PALM2AKAP2: variants seen among roughly 807,000 people sequenced by gnomAD.
The protein encoded by PALM2AKAP2 is PALM2-AKAP2 fusion protein.
A neutral mutation model predicts 71.5 loss-of-function variants in PALM2AKAP2; 37 were observed. That is an observed-to-expected ratio of 0.52 (90% CI 0.40 to 0.68). The LOEUF (loss-of-function observed/expected upper bound fraction) is 0.68. PALM2AKAP2 is among the 30% of genes least tolerant of loss of function. PALM2AKAP2 has a pLI of 0.00. For synonymous variants in PALM2AKAP2, 468 were observed against 478.8 expected, an observed-to-expected ratio of 0.98 and a Z score of 0.29; for missense variants, 1,224 against 1,191.8, an observed-to-expected ratio of 1.03 and a Z score of -0.40.
chr9:110,092,943 G>C (rs1834748864), intron 1 of PALM2AKAP2, among the ~76,000 whole-genome samples: 1 of 152,194 alleles, frequency 6.6e-6, no homozygotes, highest in Admixed American at 6.5e-5. Flanking sequence ...GGGATGGGGT[G>C]GGGGTGAGCG....
chr9:109,829,459 A>T (rs372329726), intron 1 of PALM2AKAP2, among the ~76,000 whole-genome samples: 10 of 152,156 alleles, frequency 6.6e-5, no homozygotes, highest in African/African-American at 1.9e-4. Context: ...CCCAGCACAT[A>T]GTAGTTGCTT....
At chr9:109,911,837 C>T (rs1400363203) in intron 3 of PALM2AKAP2, among the ~76,000 whole-genome samples, 1 of 135,414 alleles carries the variant, frequency 7.4e-6, no homozygotes, top group African/African-American at 2.8e-5. Flanking sequence ...CTTAATAAGC[C>T]TGCACTTGGG....
chr9:109,647,777 C>T (rs763035366), intron 1 of PALM2AKAP2, among the ~76,000 whole-genome samples: 3 of 152,174 alleles, frequency 2.0e-5, no homozygotes, highest in Non-Finnish European at 4.4e-5. Context: ...AAATCACTTA[C>T]AAAGACAAAG....
At chr9:110,079,314 G>A (rs570531037) in intron 1 of PALM2AKAP2, among the ~76,000 whole-genome samples, 1 of 152,144 alleles carries the variant, frequency 6.6e-6, no homozygotes, top group South Asian at 2.1e-4. Flanking sequence ...TGGCCAACGT[G>A]GCGAAACCTC....
chr9:109,995,076 C>T (rs1283092755), intron 6 of PALM2AKAP2, among the ~76,000 whole-genome samples: 3 of 152,186 alleles, frequency 2.0e-5, no homozygotes, highest in Non-Finnish European at 2.9e-5. Context: ...AAAATATTCT[C>T]TTTTATAGGC....
chr9:109,675,682 A>G (rs1021778040), intron 1 of PALM2AKAP2, among the ~76,000 whole-genome samples: 1 of 152,174 alleles, frequency 6.6e-6, no homozygotes, highest in African/African-American at 2.4e-5. Flanking sequence ...CATCCCTATC[A>G]TCATTGTTTT....
At chr9:109,938,934 C>T (rs149190713) in intron 6 of PALM2AKAP2, among the ~76,000 whole-genome samples, 1 of 152,170 alleles carries the variant, frequency 6.6e-6, no homozygotes, top group East Asian at 1.9e-4. Context: ...GAGGCTGAGG[C>T]AGGAGAATCG....
intron 1 of PALM2AKAP2, among the ~76,000 whole-genome samples, chr9:109,742,687 A>G (rs1828733205): frequency 6.6e-6 from 1 of 152,204 alleles, no homozygotes; most frequent in Non-Finnish European, 1.5e-5. Flanking sequence ...TATATACCAC[A>G]TAAACCTATG....
intron 1 of PALM2AKAP2, among the ~76,000 whole-genome samples, chr9:109,854,761 A>ATTTTTT (rs1241433258): frequency 1.5e-5 from 1 of 65,764 alleles, no homozygotes; most frequent in African/African-American, 5.4e-5. Flanking sequence ...AAAAGAATGT[A>ATTTTTT]TCTTTTTTTT....
chr9:109,645,049 A>C (rs1440372308), intron 1 of PALM2AKAP2, among the ~76,000 whole-genome samples: 2 of 152,152 alleles, frequency 1.3e-5, no homozygotes, highest in Admixed American at 6.5e-5. Context: ...TTTTTTCAGC[A>C]ACACCCAACT....
chr9:109,699,181 A>T (rs1828016847), intron 1 of PALM2AKAP2, among the ~76,000 whole-genome samples: 2 of 152,224 alleles, frequency 1.3e-5, no homozygotes, highest in South Asian at 4.1e-4. Context: ...ATTAAATCAA[A>T]CACAAGATAC....
intron 1 of PALM2AKAP2, among the ~76,000 whole-genome samples, chr9:109,785,699 G>A (rs1826943689): frequency 6.6e-6 from 1 of 152,136 alleles, no homozygotes; most frequent in South Asian, 2.1e-4. Flanking sequence ...AGAACAGCAT[G>A]GGAAAGACAT....
chr9:109,955,140 T>G (rs1031103467), intron 6 of PALM2AKAP2, among the ~76,000 whole-genome samples: 1 of 152,178 alleles, frequency 6.6e-6, no homozygotes, highest in Non-Finnish European at 1.5e-5. Context: ...TATGGCTGGG[T>G]CAAATAAGTC....
chr9:109,645,345 C>T (rs1827134968), intron 1 of PALM2AKAP2, among the ~76,000 whole-genome samples: 1 of 152,122 alleles, frequency 6.6e-6, no homozygotes, highest in Non-Finnish European at 1.5e-5. Context: ...AGGCCTGCCC[C>T]CATGATTCAA....
chr9:110,036,090 C>T (rs112802394), intron 7 of PALM2AKAP2, among the ~76,000 whole-genome samples: 5 of 151,850 alleles, frequency 3.3e-5, no homozygotes, highest in African/African-American at 9.7e-5. Flanking sequence ...CCCACCACCA[C>T]GCCCGGCTAG....
intron 1 of PALM2AKAP2, among the ~76,000 whole-genome samples, chr9:109,805,989 A>G (rs1827560582): frequency 6.6e-6 from 1 of 152,184 alleles, no homozygotes; most frequent in Non-Finnish European, 1.5e-5. Flanking sequence ...GAAAAGCTCT[A>G]TCTTGGGTTT....
intron 1 of PALM2AKAP2, among the ~76,000 whole-genome samples, chr9:109,768,816 G>A (rs1018423741): frequency 6.6e-6 from 1 of 152,196 alleles, no homozygotes; most frequent in Non-Finnish European, 1.5e-5. Flanking sequence ...CACCATGTAA[G>A]TGTGTATTAA....
At chr9:110,131,348 G>T (rs1202907686) in intron 1 of PALM2AKAP2, among the ~76,000 whole-genome samples, 4 of 152,136 alleles carry the variant, frequency 2.6e-5, no homozygotes, top group African/African-American at 4.8e-5. Flanking sequence ...CCAGTTTGAT[G>T]ATTCTTTCAT....
At chr9:109,834,891 C>T (rs146147243) in intron 1 of PALM2AKAP2, among the ~76,000 whole-genome samples, 12 of 152,300 alleles carry the variant, frequency 7.9e-5, no homozygotes, top group Non-Finnish European at 1.6e-4. Context: ...ACCCATCTTT[C>T]GCTCAATTCA....
Sources: allele counts gnomAD v4.1 joint callset (sites outside exome capture counted in the v4.1 genomes callset), GRCh38; gene constraint gnomAD v4.1.1; transcripts MANE v1.5; gene names NCBI Gene and HGNC (gene_info 2026-07-23, HGNC 2026-07-21).